The following GLIS3 variants were observed in gnomAD, a reference collection of about 807,000 sequenced individuals.
The protein encoded by GLIS3 is zinc finger protein GLIS3.
GLIS3 carries 53 observed loss-of-function variants against 78.6 expected under a neutral mutation model. That is an observed-to-expected ratio of 0.67 (90% CI 0.54 to 0.85). The LOEUF is 0.85. Ranked by LOEUF, GLIS3 falls within the 40% of genes least tolerant of loss-of-function variation. GLIS3 has a pLI of 0.00. For missense variants in GLIS3, 1,703 were observed against 1,231.1 expected, an observed-to-expected ratio of 1.38 and a Z score of -5.74; for synonymous variants, 684 against 509.9, an observed-to-expected ratio of 1.34 and a Z score of -4.60.
At chr9:3,841,738 G>GTA (rs1399089571) in intron 9 of GLIS3, among the ~76,000 whole-genome samples, 13 of 152,214 alleles carry the variant, frequency 8.5e-5, no homozygotes, top group Non-Finnish European at 1.5e-5. Flanking sequence ...CTGGTTGCTA[G>GTA]TATATATGTA....
chr9:4,033,375 A>G (rs1468204753), intron 4 of GLIS3, among the ~76,000 whole-genome samples: 1 of 152,122 alleles, frequency 6.6e-6, no homozygotes, highest in Non-Finnish European at 1.5e-5. Flanking sequence ...GCCAGAGAAG[A>G]CCCCAGAAGA....
intron 2 of GLIS3, among the ~76,000 whole-genome samples, chr9:4,239,185 G>C (rs1202014344): frequency 9.9e-6 from 1 of 101,332 alleles, no homozygotes; most frequent in African/African-American, 3.8e-5. Context: ...GGGGAGGGGG[G>C]AGGGATAGCA....
At chr9:4,375,136 T>G in the GLIS3 span, among the ~76,000 whole-genome samples, 1 of 152,160 alleles carries the variant, frequency 6.6e-6, no homozygotes, top group Non-Finnish European at 1.5e-5. Context: ...CATTTCCCAC[T>G]TTGCAAAAAT....
chr9:4,165,335 G>T (rs574699738), intron 2 of GLIS3, among the ~76,000 whole-genome samples: 27 of 152,276 alleles, frequency 1.8e-4, no homozygotes, highest in Non-Finnish European at 2.5e-4. Flanking sequence ...CAGTTACTCG[G>T]GAGGCTGAGG....
intron 2 of GLIS3, among the ~76,000 whole-genome samples, chr9:4,254,858 A>AC (rs1824764199): frequency 6.7e-6 from 1 of 149,640 alleles, no homozygotes. Context: ...AAAAAAAAGA[A>AC]AAAAAGATAA....
rs1251415049 is a variant in GLIS3, at chr9:3,856,130, A to G, written c.2352T>C (p.Ala784=). 1.9e-5 allele frequency: 31 copies of G among 1,614,146 alleles called. No individual in the cohort carries two copies. Among genetic ancestry groups the G allele is most frequent in the Admixed American group, 5.0e-5 (3 of 60,016 alleles). The change falls in exon 9 of 11, where the codon GCT becomes GCC. Residue 784 remains alanine (A), a synonymous_variant. Transcript: ENST00000381971. ...GTGTTCTTTGCAGTATTGAAGAAGG[A>G]GCTGGAACTCTCCGGGGGCTGATGT... ...PHHISPRRVP[A]PSSILQRTQP...
intron 9 of GLIS3, among the ~76,000 whole-genome samples, chr9:3,849,342 C>T (rs189707681): frequency 6.6e-6 from 1 of 152,314 alleles, no homozygotes; most frequent in East Asian, 1.9e-4. Flanking sequence ...TGAACGGAAT[C>T]TCCGTTTTGT....
intron 4 of GLIS3, among the ~76,000 whole-genome samples, chr9:3,987,692 C>T (rs1346109659): frequency 1.7e-5 from 2 of 117,610 alleles, no homozygotes; most frequent in Admixed American, 1.0e-4. Context: ...AGTGAAACAA[C>T]GTTTAAAAAA....
At position 3,980,137 on chromosome 9, in the gene GLIS3, G is replaced by A. The variant is rs1226994471; in HGVS notation, c.1711-42948C>T. ...TCTTCCTGTTGGTTTCAGAACACAG[G>A]CCCTATATCATATTTTGTTTAAAGT... is the stretch of plus-strand genomic sequence containing the variant. On this transcript the variant is annotated intron_variant, in intron 4 of 10. Transcript: ENST00000381971. Among the ~76,000 whole-genome samples, 3 of 152,104 alleles carry A rather than the reference G, an allele frequency of 2.0e-5. No individual in the cohort carries two copies. In the East Asian group the frequency reaches 5.8e-4, roughly 29 times the overall value.
intron 2 of GLIS3, among the ~76,000 whole-genome samples, chr9:4,324,876 C>G (rs981703708): frequency 2.2e-4 from 33 of 152,258 alleles, no homozygotes; most frequent in Non-Finnish European, 7.4e-5. Flanking sequence ...TGCTTTAAAA[C>G]CTAAAAGTTA....
chr9:3,924,141 A>T (rs1031502178), intron 6 of GLIS3, among the ~76,000 whole-genome samples: 9 of 152,126 alleles, frequency 5.9e-5, no homozygotes, highest in Admixed American at 3.3e-4. Flanking sequence ...CTTTGTCTGG[A>T]TCTTCTGTTG....
chr9:4,423,809 T>C, the GLIS3 span, among the ~76,000 whole-genome samples: 1 of 152,222 alleles, frequency 6.6e-6, no homozygotes, highest in Non-Finnish European at 1.5e-5. Flanking sequence ...TTCTTGTTCA[T>C]AACATTCACA....
intron 4 of GLIS3, among the ~76,000 whole-genome samples, chr9:4,056,759 C>G (rs952002330): frequency 6.6e-6 from 1 of 151,906 alleles, no homozygotes; most frequent in East Asian, 1.9e-4. Context: ...CAAATGGGCA[C>G]TTAGTAAAAA....
intron 4 of GLIS3, among the ~76,000 whole-genome samples, chr9:4,077,474 C>T (rs10974320): frequency 0.2 from 30,774 of 152,084 alleles, 6,651 homozygotes; most frequent in African/African-American, 0.53. Context: ...AAAGATACTT[C>T]TCCTCAAAAA....
chr9:4,334,978 G>A (rs1431449791), intron 2 of GLIS3, among the ~76,000 whole-genome samples: 3 of 133,390 alleles, frequency 2.2e-5, no homozygotes, highest in African/African-American at 8.7e-5. Flanking sequence ...GTGTGATCTC[G>A]GCTCACCGCA....
At chr9:4,139,859 C>G (rs955085591) in intron 2 of GLIS3, among the ~76,000 whole-genome samples, 1 of 152,166 alleles carries the variant, frequency 6.6e-6, no homozygotes, top group African/African-American at 2.4e-5. Flanking sequence ...GCTGTAATGC[C>G]CACTGCTCAC....
At chr9:4,425,344 C>T in the GLIS3 span, among the ~76,000 whole-genome samples, 1 of 152,248 alleles carries the variant, frequency 6.6e-6, no homozygotes, top group East Asian at 1.9e-4. Context: ...CACTAATGAC[C>T]AAACCAGCCT....
At position 4,237,028 on chromosome 9, in the gene GLIS3, T is replaced by G. The variant is rs77887208; in HGVS notation, c.388+49010A>C. ...AGCTTCATTAGGCACATGTGGCCAC[T>G]CTTACTCTGCCATGTGGAAATCACA... On this transcript the variant is annotated intron_variant, in intron 2 of 10. Coordinates refer to ENST00000381971, the MANE Select transcript of GLIS3 (RefSeq NM_001042413.2). 8.4e-3 allele frequency among the ~76,000 whole-genome samples: 1,277 copies of G among 152,156 alleles called. 6 individuals carry two copies. The highest frequency in any genetic ancestry group is 0.02 in the Middle Eastern group (6 of 294).
chr9:4,360,274 G>A, the GLIS3 span, among the ~76,000 whole-genome samples: 26 of 152,248 alleles, frequency 1.7e-4, no homozygotes, highest in Middle Eastern at 3.4e-3. Context: ...CACATGTGAA[G>A]AGGAGCAGCA....
Sources: allele counts gnomAD v4.1 joint callset (sites outside exome capture counted in the v4.1 genomes callset), GRCh38; gene constraint gnomAD v4.1.1; transcripts MANE v1.5; gene names NCBI Gene and HGNC (gene_info 2026-07-23, HGNC 2026-07-21).